CEP295: variants seen among roughly 807,000 people sequenced by gnomAD.
CEP295 encodes the protein centrosomal protein of 295 kDa.
In CEP295, 190 loss-of-function variants were observed where a neutral mutation model predicts 291.6. That is an observed-to-expected ratio of 0.65 (90% confidence interval 0.58 to 0.73). The LOEUF is 0.73. Among genes scored for constraint, CEP295 ranks in the 30% least tolerant of loss-of-function variants. The pLI is 0.00. For missense variants in CEP295, 2,863 were observed against 2,949.4 expected (o/e 0.97, Z 0.68); for synonymous variants, 993 against 1,038.8 (o/e 0.96, Z 0.85).
At chr11:93,693,589 C>T (rs1271224950) in intron 12 of CEP295, among the ~76,000 whole-genome samples, 1 of 152,056 alleles carries the variant, frequency 6.6e-6, no homozygotes, top group Non-Finnish European at 1.5e-5. Context: ...AATCCCATCT[C>T]TACTAAAAAT....
chr11:93,684,257 G>A (rs1467779291), intron 9 of CEP295, 129 bp downstream of exon 9: 5 of 655,862 alleles, frequency 7.6e-6, no homozygotes, highest in Non-Finnish European at 2.5e-6. Context: ...GGGAGCAGTA[G>A]CTAAAGGATA....
intron 1 of CEP295, among the ~76,000 whole-genome samples, chr11:93,662,194 C>T (rs1950023656): frequency 6.6e-6 from 1 of 152,214 alleles, no homozygotes; most frequent in Non-Finnish European, 1.5e-5. Context: ...GTGTCTGCCA[C>T]CTTAATCTCA....
chr11:93,726,751 T>C, intron 23 of CEP295: 1 of 404,004 alleles, frequency 2.5e-6, no homozygotes, highest in East Asian at 4.0e-5. Context: ...AGCCATATTG[T>C]CCTTATTAAA....
chr11:93,728,959 A>C, intron 25 of CEP295, 138 bp downstream of exon 25: 1 of 697,016 alleles, frequency 1.4e-6, no homozygotes, highest in Non-Finnish European at 2.3e-6. Flanking sequence ...CCAGCTCTCA[A>C]TTTGTCTTAA....
At chr11:93,716,832 C>T (rs1270232614) in intron 18 of CEP295, among the ~76,000 whole-genome samples, 3 of 152,214 alleles carry the variant, frequency 2.0e-5, no homozygotes, top group Non-Finnish European at 2.9e-5. Context: ...TGGTTTATCT[C>T]GTAACCTTCA....
chr11:93,686,203 C>G (rs1044547191), intron 9 of CEP295, among the ~76,000 whole-genome samples: 1 of 151,880 alleles, frequency 6.6e-6, no homozygotes, highest in Non-Finnish European at 1.5e-5. Context: ...CCTGTAATCC[C>G]AGCTACATGG....
Position 93,702,708 on chromosome 11 carries a change from G to T in CEP295, c.5453-68G>T. On this transcript the variant is annotated intron_variant, in intron 16 of 29. Transcript: ENST00000325212. ...TGTTTTCGTCCCCTGTAGCTTGCTA[G>T]TTGAAGAAAAGTTAGAAGTATGTTA... is the stretch of plus-strand genomic sequence containing the variant. The T allele has an allele frequency of 2.6e-6, 4 of 1,534,778 alleles. No individual in the cohort carries two copies. In the South Asian group the frequency reaches 4.9e-5, roughly 19 times the overall value.
At position 93,700,176 on chromosome 11, in the gene CEP295, A is replaced by AAT; in HGVS notation, c.5265_5266insTA (p.Asp1756Ter). 6.5e-7 allele frequency: 1 copy of AAT among 1,546,990 alleles called. No individual in the cohort carries two copies. The highest frequency in any genetic ancestry group is 8.7e-7 in the Non-Finnish European group (1 of 1,145,562). ...GAAGAGACTTTGAAGGATTTCTTTAAAGACAGTCAGGTATGTTTTAAACCT... is the reference window on the plus strand; with the variant it reads ...GAAGAGACTTTGAAGGATTTCTTTAAATAGACAGTCAGGTATGTTTTAAACCT... On this transcript the variant is annotated frameshift_variant, in exon 15 of 30. Coordinates refer to ENST00000325212, the MANE Select transcript of CEP295 (RefSeq NM_033395.2). LOFTEE classifies it high-confidence loss of function.
At chr11:93,723,009 A>G in intron 20 of CEP295, 32 bp from the exon 21 acceptor site, 3 of 1,540,904 alleles carry the variant, frequency 1.9e-6, no homozygotes, top group South Asian at 2.4e-5. Context: ...CGCCTGGCCT[A>G]TTTACATATT....
chr11:93,722,046 TC>T lies in CEP295; in HGVS notation c.5945del (p.Pro1982GlnfsTer26). 1 of 1,537,606 alleles carries T rather than the reference TC, an allele frequency of 6.5e-7. No individual in the cohort carries two copies. Among genetic ancestry groups the T allele is most frequent in the Non-Finnish European group, 8.8e-7 (1 of 1,132,536 alleles). On this transcript the variant is annotated frameshift_variant, in exon 20 of 30. Transcript: ENST00000325212. LOFTEE classifies it high-confidence loss of function. ...AAAACACAGATTTGAGCCTTACAGATCCAGGTAATAAGGTCAAAATGTTTAT... is the reference window on the plus strand; with the variant it reads ...AAAACACAGATTTGAGCCTTACAGATCAGGTAATAAGGTCAAAATGTTTAT... ...YENTDLSLTD[P>X]ESFSEHMDDS...
chr11:93,682,368 C>T (rs1002919149), intron 7 of CEP295, among the ~76,000 whole-genome samples: 1 of 152,074 alleles, frequency 6.6e-6, no homozygotes, highest in Non-Finnish European at 1.5e-5. Context: ...GCATTTCAGG[C>T]GCATGCCGTC....
chr11:93,666,232 C>T lies in CEP295; in HGVS notation c.-26-450C>T, dbSNP rs115239090. Among the ~76,000 whole-genome samples the T allele has an allele frequency of 1.5e-3, 222 of 152,232 alleles. 1 individual carries two copies. The highest frequency in any genetic ancestry group is 5.1e-3 in the African/African-American group (211 of 41,516). The stretch of plus-strand genomic sequence containing the variant: ...AATTGCTATTTGTAAATAAGTTGGA[C>T]TTCGTTTACTCAAATTTTCCTTGCA... On this transcript the variant is annotated intron_variant, in intron 1 of 29. Coordinates refer to ENST00000325212, the MANE Select transcript of CEP295 (RefSeq NM_033395.2).
chr11:93,702,909 T>G lies in CEP295; in HGVS notation c.5586T>G (p.Thr1862=), dbSNP rs1375333883. 6.5e-7 allele frequency: 1 copy of G among 1,546,712 alleles called. No homozygotes were observed. The highest frequency in any genetic ancestry group is 1.7e-4 in the Middle Eastern group (1 of 5,960). ...TAGAGTCACCAGCAATTGGCAGAAC[T>G]TCTATACTAGGTAAATAGATGCTTT... ...QEVESPAIGR[T]SILGKPGIYE... is the part of the protein sequence containing the mutation. Residue 1862 remains threonine, a synonymous_variant, in exon 17 of 30, where the codon ACT becomes ACG. Coordinates refer to ENST00000325212, the MANE Select transcript of CEP295 (RefSeq NM_033395.2).
Position 93,667,622 on chromosome 11 carries a change from A to G in CEP295, c.124A>G (p.Arg42Gly), listed in dbSNP as rs748241849. Residue 42 changes from arginine to glycine, a missense_variant, in exon 3 of 30, where the codon AGA becomes GGA. Around this residue, in one of 3 missense-constraint regions of CEP295, gnomAD observed 554 missense variants for 576.0 expected, o/e 0.96. Coordinates refer to ENST00000325212, the MANE Select transcript of CEP295 (RefSeq NM_033395.2). Reference protein sequence around the residue: ...LRLLQVREQERDIALQIREDI... With the variant: ...LRLLQVREQEGDIALQIREDI... ...CATTCTTTAGGTTCGAGAACAAGAA[A>G]GAGATATCGCCTTACAGATAAGAGA... The G allele has an allele frequency of 1.3e-6, 2 of 1,546,206 alleles. No individual in the cohort carries two copies. The highest frequency in any genetic ancestry group is 1.7e-6 in the Non-Finnish European group (2 of 1,145,446).
chr11:93,724,401 C>T (rs1274193500), intron 22 of CEP295, 26 bp downstream of exon 22: 1 of 1,537,342 alleles, frequency 6.5e-7, no homozygotes, highest in Non-Finnish European at 8.8e-7. Context: ...TGTCCCATTG[C>T]AGTGAATATC....
In CEP295 at chr11:93,695,568, A is replaced by G. The variant is rs1296375030; in HGVS notation, c.1605A>G (p.Arg535=). The G allele has an allele frequency of 6.7e-7, 1 of 1,494,650 alleles. No individual in the cohort carries two copies. The highest frequency in any genetic ancestry group is 8.8e-7 in the Non-Finnish European group (1 of 1,130,008). The allele number at this position is 1,494,650 out of a possible 1,614,324, so 92.6% of individuals were successfully genotyped here. ...LLEQIEQQKL[R]LETDCFRAQL... is the part of the protein sequence containing the mutation. ...AACAAATTGAACAGCAGAAATTAAG[A>G]TTAGAAACTGACTGCTTCAGGGCTC... The change falls in exon 13 of 30, where the codon AGA becomes AGG. Residue 535 remains arginine (R), a synonymous_variant. Transcript: ENST00000325212.
chr11:93,730,077 C>G lies in CEP295; in HGVS notation c.7696C>G (p.Gln2566Glu). 6.5e-7 allele frequency: 1 copy of G among 1,547,130 alleles called. No individual in the cohort carries two copies. The highest frequency in any genetic ancestry group is 8.7e-7 in the Non-Finnish European group (1 of 1,145,908). Reference protein sequence around the residue: ...RLYNQLAEVKQQKEEKTKQEA... With the variant: ...RLYNQLAEVKEQKEEKTKQEA... ...ATACAATCAACTAGCTGAAGTGAAA[C>G]AACAAAAGGAAGAAAAAACAAAACA... is the stretch of plus-strand genomic sequence containing the variant. The change falls in exon 29 of 30, where the codon CAA becomes GAA. Residue 2566 changes from glutamine to glutamate, a missense_variant. Coordinates refer to ENST00000325212, the MANE Select transcript of CEP295 (RefSeq NM_033395.2).
chr11:93,729,390 A>T, intron 25 of CEP295, 44 bp from the exon 26 acceptor site: 1 of 1,329,940 alleles, frequency 7.5e-7, no homozygotes, highest in Non-Finnish European at 1.1e-6. Flanking sequence ...AGACCCGCTT[A>T]AAGCGTTTAA....
chr11:93,723,909 G>A lies in CEP295; in HGVS notation c.6197-345G>A, dbSNP rs1953946309. 2.5e-5 allele frequency: 4 copies of A among 162,180 alleles called. No homozygotes were observed. The South Asian group carries it at 6.9e-4, about 28-fold the overall frequency. The allele number at this position is 162,180 out of a possible 1,614,324, so 10.0% of individuals were successfully genotyped here. ...AGGCTGAGGCAGGAGGATTGCTTGA[G>A]CCCAGGATTTCAAGACCAGCCTGGG... On this transcript the variant is annotated intron_variant, in intron 21 of 29. Coordinates refer to ENST00000325212, the MANE Select transcript of CEP295 (RefSeq NM_033395.2).
Sources: allele counts gnomAD v4.1 joint callset (sites outside exome capture counted in the v4.1 genomes callset), GRCh38; gene constraint gnomAD v4.1.1; regional missense constraint gnomAD v4.1.1; transcripts MANE v1.5; gene names NCBI Gene and HGNC (gene_info 2026-07-23, HGNC 2026-07-21).